The following CAST variants were observed in gnomAD, a reference collection of about 807,000 sequenced individuals.
CAST encodes MIR583 host.
CAST carries 76 observed loss-of-function variants against 119.6 expected under a neutral mutation model. The observed-to-expected ratio is 0.64, with a 90% CI of 0.53 to 0.77. The LOEUF is 0.77. Ranked by LOEUF, CAST falls within the 30% of genes least tolerant of loss-of-function variation. The pLI is 0.00. For missense variants in CAST, 953 were observed against 946.5 expected (o/e 1.01, Z -0.09); for synonymous variants, 319 against 331.6 (o/e 0.96, Z 0.41).
intron 1 of CAST, among the ~76,000 whole-genome samples, chr5:96,623,616 A>C (rs1386203418): frequency 6.6e-6 from 1 of 152,212 alleles, no homozygotes; most frequent in Non-Finnish European, 1.5e-5. Context: ...GAAGGTTGAA[A>C]TTCCTTTCTC....
intron 1 of CAST, among the ~76,000 whole-genome samples, chr5:96,533,525 G>A (rs1434070397): frequency 6.6e-6 from 1 of 151,968 alleles, no homozygotes; most frequent in African/African-American, 2.4e-5. Context: ...TCACTGCTTC[G>A]AGATTCGCAC....
At chr5:96,547,269 G>C (rs1051911364) in intron 1 of CAST, among the ~76,000 whole-genome samples, 1 of 152,164 alleles carries the variant, frequency 6.6e-6, no homozygotes, top group Non-Finnish European at 1.5e-5. Context: ...AGGAAAGCCA[G>C]TGATGCAATT....
the CAST span, among the ~76,000 whole-genome samples, chr5:96,335,746 T>C: frequency 1.3e-5 from 2 of 152,200 alleles, no homozygotes; most frequent in Admixed American, 6.5e-5. Flanking sequence ...AAAAGCTACA[T>C]GTATCACTTC....
chr5:96,408,295 G>A, the CAST span: 7 of 1,613,834 alleles, frequency 4.3e-6, no homozygotes, highest in East Asian at 4.5e-5. Flanking sequence ...GTGCGTCTCC[G>A]TGCAGTCATT....
intron 3 of CAST, among the ~76,000 whole-genome samples, chr5:96,718,545 T>TA (rs368759549): frequency 0.1 from 15,045 of 144,572 alleles, 945 homozygotes; most frequent in Middle Eastern, 0.17. Context: ...ACCTAAAAGT[T>TA]AAAAAAAAAA....
At chr5:96,760,776 C>G (rs958409520) in intron 24 of CAST, 2 of 151,782 alleles carry the variant, frequency 1.3e-5, no homozygotes, top group African/African-American at 4.8e-5. Flanking sequence ...GTCAGTTTAA[C>G]TAAATATCTT....
At chr5:95,962,201 CT>C in the CAST span, 1 of 243,460 alleles carries the variant, frequency 4.1e-6, no homozygotes, top group Admixed American at 5.6e-5. Context: ...AGCCCCGCCC[CT>C]GTGGGGGATA....
chr5:96,069,878 AT>A, the CAST span, among the ~76,000 whole-genome samples: 1 of 152,020 alleles, frequency 6.6e-6, no homozygotes, highest in African/African-American at 2.4e-5. Context: ...CAAGCCAGGC[AT>A]GATGGTTCAC....
At chr5:96,740,005 T>C in intron 11 of CAST, 33 bp from the exon 12 acceptor site, 1 of 997,820 alleles carries the variant, frequency 1.0e-6, no homozygotes. Context: ...TAATTAATTA[T>C]ATAATATCCC....
chr5:96,410,834 C>T, the CAST span: 19 of 1,614,148 alleles, frequency 1.2e-5, no homozygotes, highest in Non-Finnish European at 1.5e-5. Context: ...AGGAGCACTT[C>T]TCAGCGTACC....
chr5:96,255,288 A>C, the CAST span, among the ~76,000 whole-genome samples: 1 of 152,144 alleles, frequency 6.6e-6, no homozygotes, highest in African/African-American at 2.4e-5. Context: ...TGTTGTGGTT[A>C]ACTGATATTT....
At chr5:96,608,981 T>C (rs1747308522) in intron 1 of CAST, among the ~76,000 whole-genome samples, 2 of 152,110 alleles carry the variant, frequency 1.3e-5, no homozygotes, top group African/African-American at 4.8e-5. Context: ...GGGATTACAA[T>C]TCAACGTGAG....
chr5:96,355,822 C>T, the CAST span, among the ~76,000 whole-genome samples: 1 of 152,156 alleles, frequency 6.6e-6, no homozygotes, highest in African/African-American at 2.4e-5. Flanking sequence ...CTGACCCAGC[C>T]TCCCGAGTAG....
At chr5:96,145,814 C>G in the CAST span, among the ~76,000 whole-genome samples, 1 of 152,196 alleles carries the variant, frequency 6.6e-6, no homozygotes, top group Non-Finnish European at 1.5e-5. Context: ...GGAGGTTCTT[C>G]TGCTCCACAT....
At chr5:95,997,869 G>T in the CAST span, among the ~76,000 whole-genome samples, 1 of 151,224 alleles carries the variant, frequency 6.6e-6, no homozygotes. Context: ...ATAAAAATGC[G>T]AATGATCTGC....
the CAST span, among the ~76,000 whole-genome samples, chr5:96,356,733 A>G: frequency 6.6e-5 from 10 of 152,144 alleles, no homozygotes; most frequent in African/African-American, 1.9e-4. Context: ...TTATTACTGT[A>G]GCCTTGTAGT....
the CAST span, among the ~76,000 whole-genome samples, chr5:96,294,372 G>A: frequency 3.6e-3 from 548 of 152,304 alleles, no homozygotes; most frequent in Admixed American, 5.7e-3. Flanking sequence ...ACCTCAGGGA[G>A]CATTTTAGAA....
chr5:96,171,569 G>C, the CAST span, among the ~76,000 whole-genome samples: 1 of 152,242 alleles, frequency 6.6e-6, no homozygotes, highest in Non-Finnish European at 1.5e-5. Flanking sequence ...AATCAGGCAG[G>C]TGTCCCTGCA....
the CAST span, among the ~76,000 whole-genome samples, chr5:95,962,555 G>A: frequency 1.3e-5 from 2 of 152,196 alleles, no homozygotes; most frequent in Non-Finnish European, 2.9e-5. Context: ...ACTCTTAGAT[G>A]TAGGAGTTGT....
Sources: gnomAD v4.1 joint callset for allele counts (sites outside exome capture counted in the v4.1 genomes callset) on GRCh38, gnomAD v4.1.1 for gene constraint, MANE v1.5 for transcripts, NCBI Gene and HGNC (gene_info 2026-07-23, HGNC 2026-07-21) for gene names.